The following CD8B variants were observed in gnomAD, a reference collection of about 807,000 sequenced individuals.
The protein encoded by CD8B is T-cell surface glycoprotein CD8 beta chain.
A neutral mutation model predicts 24.2 loss-of-function variants in CD8B; 6 were observed. That is an observed-to-expected ratio of 0.25 (90% CI 0.14 to 0.49). The LOEUF (loss-of-function observed/expected upper bound fraction) is 0.49, where lower values mean the gene tolerates loss of function less well. CD8B is among the 20% of genes least tolerant of loss of function. The pLI is 0.98. For missense variants in CD8B, 196 were observed against 271.3 expected, an observed-to-expected ratio of 0.72 and a Z score of 1.95; for synonymous variants, 84 against 108.3, an observed-to-expected ratio of 0.78 and a Z score of 1.39.
chr2:86,819,864 A>G (rs932695717), intron 5 of CD8B, among the ~76,000 whole-genome samples: 7 of 152,258 alleles, frequency 4.6e-5, no homozygotes, highest in Admixed American at 2.0e-4. Flanking sequence ...TCTAGATGCA[A>G]CAAAGAACAT....
intron 5 of CD8B, chr2:86,832,957 C>G: frequency 5.3e-6 from 1 of 187,726 alleles, no homozygotes; most frequent in Non-Finnish European, 1.0e-5. Flanking sequence ...CTCCTCCCCT[C>G]CCCTCTCCTC....
At chr2:86,843,014 G>T (rs979433082) in intron 5 of CD8B, among the ~76,000 whole-genome samples, 2 of 152,046 alleles carry the variant, frequency 1.3e-5, no homozygotes, top group Non-Finnish European at 2.9e-5. Context: ...AAGGGGTGGG[G>T]ACAGACCCAG....
At chr2:86,831,004 G>T (rs1465405142) in intron 5 of CD8B, among the ~76,000 whole-genome samples, 1 of 151,964 alleles carries the variant, frequency 6.6e-6, no homozygotes, top group Non-Finnish European at 1.5e-5. Context: ...GATATGAAGG[G>T]CTAAAACTCC....
downstream of CD8B, among the ~76,000 whole-genome samples, chr2:86,835,421 G>A (rs149240335): frequency 2.0e-5 from 3 of 152,176 alleles, no homozygotes; most frequent in African/African-American, 7.2e-5. Flanking sequence ...GGCCCAGCTA[G>A]AGCCTTCGTG....
At position 86,858,100 on chromosome 2, in the gene CD8B, C is replaced by T; in HGVS notation, c.360G>A (p.Gly120=). ...DSGIYFCMIV[G]SPELTFGKGT... is the part of the protein sequence containing the mutation. The stretch of plus-strand genomic sequence containing the variant: ...CCTTCCCGAAGGTCAGCTCGGGGCT[C>T]CCGACGATCATGCAGAAGTAGATGC... The change falls in exon 2 of 6, where the codon GGG becomes GGA. Residue 120 remains glycine (G), a synonymous_variant. Coordinates refer to ENST00000390655, the MANE Select transcript of CD8B (RefSeq NM_004931.5). 1.2e-6 allele frequency: 2 copies of T among 1,613,998 alleles called. No homozygotes were observed. The highest frequency in any genetic ancestry group is 2.2e-5 in the East Asian group (1 of 44,876).
chr2:86,834,706 G>A (rs184706767), downstream of CD8B, among the ~76,000 whole-genome samples: 192 of 152,256 alleles, frequency 1.3e-3, no homozygotes, highest in Non-Finnish European at 2.3e-3. Flanking sequence ...GGAGGCCAAG[G>A]CAGGAGGATC....
rs538445686 is a variant in CD8B at position 86,840,607 on chromosome 2, T to C, written c.*1700A>G. Among the ~76,000 whole-genome samples the C allele has an allele frequency of 1.9e-3, 284 of 152,290 alleles. 1 individual carries two copies. Among genetic ancestry groups the C allele is most frequent in the African/African-American group, 3.9e-3 (161 of 41,560 alleles). On this transcript the variant is annotated 3_prime_UTR_variant, in exon 6 of 6. Coordinates refer to ENST00000390655, the MANE Select transcript of CD8B (RefSeq NM_004931.5). ...ACTTAAAACCCAGAAAACTTTGCAA[T>C]TGGGCCCATGGGCTATCTGCTTAGG...
intron 2 of CD8B, among the ~76,000 whole-genome samples, chr2:86,853,869 C>T (rs1422314343): frequency 1.3e-5 from 2 of 151,698 alleles, no homozygotes; most frequent in Admixed American, 6.6e-5. Context: ...CTGCATTCGT[C>T]GTGCCACTGC....
At chr2:86,854,475 G>A (rs1676132296) in intron 2 of CD8B, among the ~76,000 whole-genome samples, 1 of 152,188 alleles carries the variant, frequency 6.6e-6, no homozygotes, top group Non-Finnish European at 1.5e-5. Flanking sequence ...CAGAGATGAG[G>A]GGAGCTGGCC....
At chr2:86,842,970 C>G (rs1023664669) in intron 5 of CD8B, among the ~76,000 whole-genome samples, 1 of 152,220 alleles carries the variant, frequency 6.6e-6, no homozygotes, top group South Asian at 2.1e-4. Flanking sequence ...CTCCCCAAAA[C>G]TGGCATCAGA....
At chr2:86,843,922 C>G (rs1355724587) in intron 5 of CD8B, among the ~76,000 whole-genome samples, 1 of 152,226 alleles carries the variant, frequency 6.6e-6, no homozygotes, top group Non-Finnish European at 1.5e-5. Context: ...AGCTTTTGAG[C>G]AGGAGAACCT....
intron 5 of CD8B, among the ~76,000 whole-genome samples, chr2:86,821,553 C>T (rs115165079): frequency 0.011 from 1,728 of 152,246 alleles, 35 homozygotes; most frequent in African/African-American, 0.039. Context: ...GGCCCTGGGC[C>T]AAGTTGGGGC....
intron 5 of CD8B, among the ~76,000 whole-genome samples, chr2:86,827,293 G>T (rs1249460388): frequency 6.6e-6 from 1 of 151,932 alleles, no homozygotes; most frequent in Non-Finnish European, 1.5e-5. Context: ...GAATTGGCTT[G>T]CCCTGAGAGT....
At chr2:86,854,904 T>C (rs1249173356) in intron 2 of CD8B, among the ~76,000 whole-genome samples, 1 of 152,128 alleles carries the variant, frequency 6.6e-6, no homozygotes, top group Non-Finnish European at 1.5e-5. Context: ...GCAGATCACC[T>C]GAGGTCAGGA....
chr2:86,854,528 C>G (rs1676138098), intron 2 of CD8B, among the ~76,000 whole-genome samples: 1 of 152,206 alleles, frequency 6.6e-6, no homozygotes, highest in Non-Finnish European at 1.5e-5. Flanking sequence ...GACCCCAAAC[C>G]CCTGTCCTGA....
intron 2 of CD8B, among the ~76,000 whole-genome samples, chr2:86,855,292 G>C (rs1165859486): frequency 6.6e-6 from 1 of 152,230 alleles, no homozygotes; most frequent in Non-Finnish European, 1.5e-5. Context: ...TCAAGACATT[G>C]ATGGGAAGAA....
intron 5 of CD8B, among the ~76,000 whole-genome samples, chr2:86,818,213 TAAATAAATAAATAA>T (rs948949735): frequency 3.9e-4 from 59 of 151,820 alleles, no homozygotes; most frequent in Non-Finnish European, 7.8e-4. Context: ...CATCTCAAAA[TAAATAAATAAATAA>T]AAATAAATAA....
At chr2:86,854,133 C>T (rs550878101) in intron 2 of CD8B, among the ~76,000 whole-genome samples, 2 of 152,236 alleles carry the variant, frequency 1.3e-5, no homozygotes, top group African/African-American at 4.8e-5. Context: ...ATAATGATAA[C>T]TGCCACCTCC....
intron 5 of CD8B, among the ~76,000 whole-genome samples, chr2:86,831,767 G>A (rs913030775): frequency 6.6e-6 from 1 of 152,144 alleles, no homozygotes; most frequent in African/African-American, 2.4e-5. Flanking sequence ...AGAAACTGAA[G>A]ATCAGCCTCA....
Sources: allele counts gnomAD v4.1 joint callset (sites outside exome capture counted in the v4.1 genomes callset), GRCh38; gene constraint gnomAD v4.1.1; transcripts MANE v1.5; gene names NCBI Gene and HGNC (gene_info 2026-07-23, HGNC 2026-07-21).